TNRC6C: variants seen among roughly 807,000 people sequenced by gnomAD.
TNRC6C encodes trinucleotide repeat containing adaptor 6C, also known as trinucleotide repeat-containing gene 6C protein.
In TNRC6C, 20 loss-of-function variants were observed where a neutral mutation model predicts 153.7. The ratio of observed to expected loss-of-function variants is 0.13; its 90% confidence interval spans 0.09 to 0.19. TNRC6C has a LOEUF of 0.19. TNRC6C is among the 10% of genes least tolerant of loss of function. The pLI is 1.00. For synonymous variants in TNRC6C, 811 were observed against 841.4 expected (o/e 0.96, Z 0.63); for missense variants, 1,987 against 2,172.0 (o/e 0.91, Z 1.69).
At chr17:77,971,127 T>TA (rs1329522582) in intron 1 of TNRC6C, among the ~76,000 whole-genome samples, 1 of 152,228 alleles carries the variant, frequency 6.6e-6, no homozygotes, top group East Asian at 1.9e-4. Flanking sequence ...CACATATCCA[T>TA]ATTGTAAAAT....
chr17:78,028,923 G>A (rs749353543), intron 1 of TNRC6C, among the ~76,000 whole-genome samples: 2 of 152,276 alleles, frequency 1.3e-5, no homozygotes, highest in East Asian at 3.9e-4. Context: ...TTGAGGCGCC[G>A]ACTCTTGCAC....
In TNRC6C at chr17:78,087,110, CTTCAACAGCCACATCAGGTAGAGAG is replaced by C. The variant is rs1327986817; in HGVS notation, c.3802+18_3802+42del. On this transcript the variant is annotated intron_variant, in intron 13 of 19. Coordinates refer to ENST00000301624, the Ensembl canonical transcript of TNRC6C. ...ACCCTCTCGGTGAGTGTCCCATGGT[CTTCAACAGCCACATCAGGTAGAGAG>C]GGTACCTGGAGTCCGTATGTGGTAG... The C allele has an allele frequency of 1.2e-6, 2 of 1,610,520 alleles. No homozygotes were observed.
At chr17:78,025,673 A>C (rs540893221) in intron 1 of TNRC6C, among the ~76,000 whole-genome samples, 1 of 152,266 alleles carries the variant, frequency 6.6e-6, no homozygotes, top group South Asian at 2.1e-4. Flanking sequence ...TTTATATTTA[A>C]GAATCAACTT....
At chr17:78,059,480 G>A (rs189876020) in intron 3 of TNRC6C, among the ~76,000 whole-genome samples, 19 of 152,290 alleles carry the variant, frequency 1.2e-4, no homozygotes, top group African/African-American at 4.6e-4. Context: ...CGTGAGACGT[G>A]TGAACCCCAC....
Position 78,104,678 on chromosome 17 carries a change from C to T in TNRC6C, c.4906C>T (p.Pro1636Ser). 1.3e-6 allele frequency: 2 copies of T among 1,542,416 alleles called. No individual in the cohort carries two copies. The highest frequency in any genetic ancestry group is 1.7e-6 in the Non-Finnish European group (2 of 1,146,274). Reference sequence around the variant, plus strand: ...CAGCGACGCTGGCCACTGGAACGCCCCGTGCCTGGGTGGCAAGGGGAGCAG... The same window carrying T: ...CAGCGACGCTGGCCACTGGAACGCCTCGTGCCTGGGTGGCAAGGGGAGCAG... Residue 1636 changes from proline (P) to serine (S), a missense_variant, in exon 20 of 20, where the codon CCG (proline) becomes TCG (serine). This residue lies in a region of TNRC6C where 139 missense variants were observed against 148.5 expected (regional missense o/e 0.94). Coordinates refer to ENST00000301624, the Ensembl canonical transcript of TNRC6C. The surrounding 1 kb of genome is among the most constrained non-coding windows in gnomAD (Gnocchi z 6.2).
chr17:78,026,103 A>G (rs904616521), intron 1 of TNRC6C, among the ~76,000 whole-genome samples: 1 of 152,116 alleles, frequency 6.6e-6, no homozygotes, highest in African/African-American at 2.4e-5. Flanking sequence ...TTTTTATTTC[A>G]TCAACTAATT....
exon 20 of TNRC6C, chr17:78,105,083 CT>C: frequency 2.4e-6 from 1 of 409,142 alleles, no homozygotes; most frequent in Non-Finnish European, 4.2e-6. Flanking sequence ...TTTTGTGCGT[CT>C]TATGTTTGTA....
At chr17:77,982,788 G>T (rs955067685) in intron 1 of TNRC6C, among the ~76,000 whole-genome samples, 3 of 152,172 alleles carry the variant, frequency 2.0e-5, no homozygotes, top group Non-Finnish European at 4.4e-5. Flanking sequence ...CCGAGATTGT[G>T]CCACTGCACT....
intron 1 of TNRC6C, among the ~76,000 whole-genome samples, chr17:77,964,775 G>T (rs1476723765): frequency 6.6e-6 from 1 of 152,172 alleles, no homozygotes; most frequent in East Asian, 1.9e-4. Flanking sequence ...AGATGCACAA[G>T]TATTTTTTCT....
intron 1 of TNRC6C, among the ~76,000 whole-genome samples, chr17:78,025,508 T>C (rs1397356652): frequency 6.6e-6 from 1 of 152,242 alleles, no homozygotes; most frequent in Non-Finnish European, 1.5e-5. Context: ...TCTTGGTTGC[T>C]TCCAGTTTTT....
At chr17:77,999,618 A>G (rs1379426698), upstream of TNRC6C, among the ~76,000 whole-genome samples, 2 of 152,224 alleles carry the variant, frequency 1.3e-5, no homozygotes, top group Non-Finnish European at 2.9e-5. Flanking sequence ...CACTAAATGT[A>G]GTGGCTTAAA....
Position 78,050,145 on chromosome 17 carries a change from A to G in TNRC6C, c.1083A>G (p.Thr361=), listed in dbSNP as rs371164154. The G allele has an allele frequency of 3.8e-6, 6 of 1,590,996 alleles. No individual in the cohort carries two copies. In the African/African-American group the frequency reaches 8.0e-5, roughly 21 times the overall value. ...GTGACATCAATGGGAAAGGATCAACAGGGTGGGAGAGTCCTAGTGTCACCA... is the reference window on the plus strand; with the variant it reads ...GTGACATCAATGGGAAAGGATCAACGGGGTGGGAGAGTCCTAGTGTCACCA... Residue 361 remains threonine (T), a synonymous_variant, in exon 3 of 20, where the codon ACA becomes ACG. Transcript: ENST00000301624.
intron 1 of TNRC6C, among the ~76,000 whole-genome samples, chr17:77,971,426 T>G (rs974152478): frequency 9.2e-5 from 14 of 152,186 alleles, no homozygotes; most frequent in African/African-American, 3.1e-4. Context: ...TGACATTAAA[T>G]ACCACATACG....
chr17:77,997,330 C>G (rs959781542), intron 1 of TNRC6C, among the ~76,000 whole-genome samples: 1 of 152,142 alleles, frequency 6.6e-6, no homozygotes, highest in Non-Finnish European at 1.5e-5. Flanking sequence ...ACCTCTCTTA[C>G]GATCTCCGTG....
exon 20 of TNRC6C, chr17:78,105,106 C>A: frequency 2.2e-5 from 8 of 369,124 alleles, no homozygotes; most frequent in East Asian, 4.1e-5. Context: ...AGTGTGTTGT[C>A]ATTTTGATTT....
intron 1 of TNRC6C, 143 bp downstream of exon 1, chr17:77,959,411 G>C (rs1047793005): frequency 6.6e-6 from 1 of 151,968 alleles, no homozygotes. Context: ...GGCCGGCCGG[G>C]TTTGAGGGGA....
intron 14 of TNRC6C, among the ~76,000 whole-genome samples, chr17:78,092,206 C>T (rs4789532): frequency 0.11 from 16,238 of 152,140 alleles, 1,024 homozygotes; most frequent in East Asian, 0.16. Context: ...CAGTAGGTTA[C>T]GTAGTTCTCT....
chr17:77,996,637 C>A (rs2071333057), intron 1 of TNRC6C, among the ~76,000 whole-genome samples: 1 of 152,230 alleles, frequency 6.6e-6, no homozygotes, highest in African/African-American at 2.4e-5. Flanking sequence ...ACCTCACAGA[C>A]ACTTAGTTTT....
At chr17:77,972,927 C>T (rs537158086) in intron 1 of TNRC6C, among the ~76,000 whole-genome samples, 44 of 152,280 alleles carry the variant, frequency 2.9e-4, no homozygotes, top group African/African-American at 1.0e-3. Flanking sequence ...TTTTTTGAGA[C>T]AGAGTCTCGC....
Sources: allele counts gnomAD v4.1 joint callset (sites outside exome capture counted in the v4.1 genomes callset), GRCh38; gene constraint gnomAD v4.1.1; regional missense constraint gnomAD v4.1.1; non-coding constraint Gnocchi (gnomAD v3.1); transcripts MANE v1.5; gene names NCBI Gene and HGNC (gene_info 2026-07-23, HGNC 2026-07-21).